Variants in GRSF1 observed in about 807,000 individuals in gnomAD.
GRSF1 encodes G-rich RNA sequence binding factor 1, also known as G-rich sequence factor 1.
A neutral mutation model predicts 51.1 loss-of-function variants in GRSF1; 50 were observed. The observed-to-expected ratio is 0.98, with a 90% confidence interval of 0.78 to 1.24. The LOEUF is 1.24. GRSF1 is among the 50% of genes most tolerant of loss of function. The probability of loss-of-function intolerance (pLI) is 0.00; values close to 1 mark genes in which losing one functional copy is unlikely to be tolerated. For synonymous variants in GRSF1, 293 were observed against 253.3 expected, an observed-to-expected ratio of 1.16 and a Z score of -1.49; for missense variants, 700 against 639.7, an observed-to-expected ratio of 1.09 and a Z score of -1.02.
At chr4:70,835,687 C>T (rs919157621) in intron 2 of GRSF1, among the ~76,000 whole-genome samples, 5 of 152,124 alleles carry the variant, frequency 3.3e-5, no homozygotes, top group South Asian at 2.1e-4. Flanking sequence ...GTGATCCGCC[C>T]GCCTCGGCCT....
At position 70,819,325 on chromosome 4, in the gene GRSF1, T is replaced by G. The variant is rs1733421376; in HGVS notation, c.*1562A>C. On this transcript the variant is annotated 3_prime_UTR_variant, in exon 10 of 10. Coordinates refer to ENST00000254799, the MANE Select transcript of GRSF1 (RefSeq NM_002092.4). Reference sequence around the variant, plus strand: ...AACTACAGATACCAGTTCTCATAGCTTGGCATATTCAACCATATATGAAAA... The same window carrying G: ...AACTACAGATACCAGTTCTCATAGCGTGGCATATTCAACCATATATGAAAA... The G allele has an allele frequency of 6.6e-6, 1 of 152,200 alleles. No individual in the cohort carries two copies. Among genetic ancestry groups the G allele is most frequent in the Non-Finnish European group, 1.5e-5 (1 of 68,038 alleles). 9.4% of individuals were successfully genotyped at this position (152,200 alleles called of 1,614,324 possible).
Position 70,820,217 on chromosome 4 carries a change from AC to A in GRSF1, c.*669del, listed in dbSNP as rs1733449432. The A allele has an allele frequency of 6.6e-6, 1 of 152,544 alleles. No individual in the cohort carries two copies. The highest frequency in any genetic ancestry group is 1.9e-4 in the East Asian group (1 of 5,204). The allele number at this position is 152,544 out of a possible 1,614,324, so 9.4% of individuals were successfully genotyped here. A position where few individuals can be genotyped will look rare whatever the true frequency, so the allele number is the denominator to read the frequency against. ...AGAATGCCCCCTTAAGTAGATAGGCACCACCGTTATACGCCTTTAGCACAAG... is the reference window on the plus strand; with the variant it reads ...AGAATGCCCCCTTAAGTAGATAGGCACACCGTTATACGCCTTTAGCACAAG... On this transcript the variant is annotated 3_prime_UTR_variant, in exon 10 of 10. Transcript: ENST00000254799.
chr4:70,827,774 T>C (rs1733794261), intron 6 of GRSF1, 78 bp downstream of exon 6: 2 of 1,027,618 alleles, frequency 1.9e-6, no homozygotes, highest in South Asian at 3.1e-5. Flanking sequence ...CGAGACTTCA[T>C]CTCAAAAAAA....
rs560314396 is a variant in GRSF1 at position 70,837,631 on chromosome 4, T to C, written c.358-1317A>G. ...GACAGAGATATCTTTCTACTATCTG[T>C]CATTTTCTTTTCTTTTCTTTTTTCT... is the stretch of plus-strand genomic sequence containing the variant. On this transcript the variant is annotated intron_variant, in intron 1 of 9. Transcript: ENST00000254799. Among the ~76,000 whole-genome samples, 12 of 148,390 alleles carry C rather than the reference T, an allele frequency of 8.1e-5. No individual in the cohort carries two copies. In the South Asian group the frequency reaches 2.6e-3, roughly 33 times the overall value.
chr4:70,828,914 T>C (rs1733846421), intron 5 of GRSF1, among the ~76,000 whole-genome samples: 1 of 152,054 alleles, frequency 6.6e-6, no homozygotes, highest in African/African-American at 2.4e-5. Context: ...ATTTTTTGTA[T>C]TTTTAGTAGA....
At position 70,832,305 on chromosome 4, in the gene GRSF1, A is replaced by T; in HGVS notation, c.814+2T>A. On this transcript the variant is annotated splice_donor_variant, in intron 4 of 9. Transcript: ENST00000254799. LOFTEE classifies it high-confidence loss of function. ...CCCAAGCATAATACAACTGCAAAGTACCTGCAAAGAAGTCTACAATGTCTT... is the reference window on the plus strand; with the variant it reads ...CCCAAGCATAATACAACTGCAAAGTTCCTGCAAAGAAGTCTACAATGTCTT... The T allele has an allele frequency of 6.2e-7, 1 of 1,612,964 alleles. No homozygotes were observed. Among genetic ancestry groups the T allele is most frequent in the Non-Finnish European group, 8.5e-7 (1 of 1,179,158 alleles).
In GRSF1 at chr4:70,822,767, G is replaced by A. The variant is rs556724130; in HGVS notation, c.*25+1527C>T. On this transcript the variant is annotated intron_variant, in intron 9 of 9. Coordinates refer to ENST00000254799, the MANE Select transcript of GRSF1 (RefSeq NM_002092.4). The stretch of plus-strand genomic sequence containing the variant: ...AAATTATGCATAAAAATTCTATATG[G>A]AGATAATGCTCAAAGCTACCATATA... Among the ~76,000 whole-genome samples, 296 of 152,054 alleles carry A rather than the reference G, an allele frequency of 1.9e-3. No individual in the cohort carries two copies. In the Middle Eastern group the frequency reaches 0.02, roughly 10 times the overall value.
intron 1 of GRSF1, chr4:70,839,269 G>A (rs1734357964): frequency 6.7e-7 from 1 of 1,489,316 alleles, no homozygotes; most frequent in South Asian, 1.2e-5. Context: ...AACAAAACAA[G>A]CAGAAGACCC....
upstream of GRSF1, among the ~76,000 whole-genome samples, chr4:70,840,563 G>A (rs1437233204): frequency 6.6e-6 from 1 of 152,198 alleles, no homozygotes; most frequent in Non-Finnish European, 1.5e-5. Context: ...AGCAGTTCAA[G>A]ACCAGCCTGG....
At chr4:70,828,609 C>A (rs1258212697) in intron 5 of GRSF1, among the ~76,000 whole-genome samples, 4 of 152,010 alleles carry the variant, frequency 2.6e-5, no homozygotes, top group Admixed American at 2.0e-4. Flanking sequence ...CTTGCTGTCA[C>A]CCAAGATGGT....
chr4:70,839,921 G>A (rs1734403490), upstream of GRSF1: 10 of 1,194,272 alleles, frequency 8.4e-6, no homozygotes, highest in Non-Finnish European at 9.9e-6. Flanking sequence ...GGTGGGGTGT[G>A]CCTGGCACAT....
In GRSF1 at chr4:70,819,459, T is replaced by C. The variant is rs894370394; in HGVS notation, c.*1428A>G. On this transcript the variant is annotated 3_prime_UTR_variant, in exon 10 of 10. Transcript: ENST00000254799. ...AATTAACCCTTACTACTTATATTAATATAGCAGGACTTGAGGTAATAATAT... is the reference window on the plus strand; with the variant it reads ...AATTAACCCTTACTACTTATATTAACATAGCAGGACTTGAGGTAATAATAT... 1 of 152,154 alleles carries C rather than the reference T, an allele frequency of 6.6e-6. No individual in the cohort carries two copies. The highest frequency in any genetic ancestry group is 1.5e-5 in the Non-Finnish European group (1 of 68,032). The allele number at this position is 152,154 out of a possible 1,614,324, so 9.4% of individuals were successfully genotyped here. A position where few individuals can be genotyped will look rare whatever the true frequency, so the allele number is the denominator to read the frequency against.
At position 70,815,825 on chromosome 4, in the gene GRSF1, T is replaced by G. The variant is rs902129246; in HGVS notation, c.*5062A>C. On this transcript the variant is annotated 3_prime_UTR_variant, in exon 10 of 10. Coordinates refer to ENST00000254799, the MANE Select transcript of GRSF1 (RefSeq NM_002092.4). Reference sequence around the variant, plus strand: ...AACTTTATTCATGATAGCCCCAAACTAGAAACAGCCCATTGTTCACCAGTT... The same window carrying G: ...AACTTTATTCATGATAGCCCCAAACGAGAAACAGCCCATTGTTCACCAGTT... 1 of 152,132 alleles carries G rather than the reference T, an allele frequency of 6.6e-6. No homozygotes were observed. The highest frequency in any genetic ancestry group is 1.5e-5 in the Non-Finnish European group (1 of 68,006). The allele number at this position is 152,132 out of a possible 1,614,324, so 9.4% of individuals were successfully genotyped here.
intron 1 of GRSF1, among the ~76,000 whole-genome samples, chr4:70,837,947 T>C (rs1183080751): frequency 6.6e-6 from 1 of 151,496 alleles, no homozygotes; most frequent in East Asian, 2.0e-4. Context: ...AGGCTTAATG[T>C]TAGGCCGGGC....
Position 70,816,148 on chromosome 4 carries a change from G to A in GRSF1, c.*4739C>T, listed in dbSNP as rs1309905354. 6.6e-6 allele frequency: 1 copy of A among 152,116 alleles called. No individual in the cohort carries two copies. The highest frequency in any genetic ancestry group is 2.4e-5 in the African/African-American group (1 of 41,410). 9.4% of individuals were successfully genotyped at this position (152,116 alleles called of 1,614,324 possible). A position where few individuals can be genotyped will look rare whatever the true frequency, so the allele number is the denominator to read the frequency against. On this transcript the variant is annotated 3_prime_UTR_variant, in exon 10 of 10. Coordinates refer to ENST00000254799, the MANE Select transcript of GRSF1 (RefSeq NM_002092.4). ...GAAAAAATTCAGATGTAATACAGAT[G>A]TTCCAGACATAGGGGTTTGAGTTAC...
At position 70,838,307 on chromosome 4, in the gene GRSF1, T is replaced by C. The variant is rs564615965; in HGVS notation, c.357+1164A>G. On this transcript the variant is annotated intron_variant, in intron 1 of 9. Coordinates refer to ENST00000254799, the MANE Select transcript of GRSF1 (RefSeq NM_002092.4). The stretch of plus-strand genomic sequence containing the variant: ...ACACATAGTAGATGCTCTACAGATA[T>C]CACCGCAGTCAATTTCATAGAAAAA... 1.3e-4 allele frequency among the ~76,000 whole-genome samples: 20 copies of C among 150,088 alleles called. No homozygotes were observed. In the South Asian group the frequency reaches 1.9e-3, roughly 14 times the overall value.
chr4:70,832,453 A>C lies in GRSF1; in HGVS notation c.671-3T>G, dbSNP rs1734019416. ...ATCTTCATTGTTTATCTCATATACT[A>C]CGAAGAAAAAACCCAACAGGGATGA... On this transcript the variant is annotated splice_region_variant and splice_polypyrimidine_tract_variant and intron_variant, in intron 3 of 9. Transcript: ENST00000254799. 6.3e-7 allele frequency: 1 copy of C among 1,593,350 alleles called. No homozygotes were observed. Among genetic ancestry groups the C allele is most frequent in the Non-Finnish European group, 8.6e-7 (1 of 1,162,870 alleles).
At chr4:70,824,504 A>G (rs13108088) in intron 8 of GRSF1, 136 bp from the exon 9 acceptor site, 531,930 of 556,030 alleles carry the variant, frequency 0.96, 256,209 homozygotes, top group East Asian at 1. Flanking sequence ...AATTTAGGCC[A>G]GACACGGTGG....
chr4:70,839,676 A>C lies in GRSF1; in HGVS notation c.152T>G (p.Leu51Arg), dbSNP rs1332763949. ...AGCGGCCGCGGCGGCCCCGAGCAGC[A>C]GCAGCAGGCGGCGGCGGCCCGAGAC... ...SGVSGRRRLL[L>R]LLGAAAAAAS... The change falls in exon 1 of 10, where the codon CTG becomes CGG. Residue 51 changes from leucine to arginine, a missense_variant. Leu to Arg is a moderately radical substitution (Grantham distance 102). Transcript: ENST00000254799. The C allele has an allele frequency of 7.0e-7, 1 of 1,437,782 alleles. No homozygotes were observed. Among genetic ancestry groups the C allele is most frequent in the South Asian group, 1.4e-5 (1 of 70,708 alleles). 89.1% of individuals were successfully genotyped at this position (1,437,782 alleles called of 1,614,324 possible). A position where few individuals can be genotyped will look rare whatever the true frequency, so the allele number is the denominator to read the frequency against.
Sources: allele counts gnomAD v4.1 joint callset (sites outside exome capture counted in the v4.1 genomes callset), GRCh38; gene constraint gnomAD v4.1.1; transcripts MANE v1.5; gene names NCBI Gene and HGNC (gene_info 2026-07-23, HGNC 2026-07-21).